The following PTPRN2 variants were observed in gnomAD, a reference collection of about 807,000 sequenced individuals.
PTPRN2 encodes the protein protein tyrosine phosphatase receptor type N2.
Under a neutral mutation model 118.8 loss-of-function variants are expected in PTPRN2, and 74 were observed. The ratio of observed to expected loss-of-function variants is 0.62; its 90% confidence interval spans 0.52 to 0.76. The LOEUF is 0.76. Among genes scored for constraint, PTPRN2 ranks in the 30% least tolerant of loss-of-function variants. PTPRN2 has a pLI of 0.00. For missense variants in PTPRN2, 1,481 were observed against 1,394.4 expected (o/e 1.06, Z -0.99); for synonymous variants, 641 against 608.0 (o/e 1.05, Z -0.80).
At chr7:158,272,630 A>G (rs545203748) in intron 3 of PTPRN2, among the ~76,000 whole-genome samples, 11 of 152,318 alleles carry the variant, frequency 7.2e-5, no homozygotes, top group African/African-American at 2.4e-4. Context: ...GCCTGAGTCC[A>G]GGCAGGAGCC....
At chr7:158,135,631 G>A (rs926831677) in intron 8 of PTPRN2, among the ~76,000 whole-genome samples, 24 of 152,228 alleles carry the variant, frequency 1.6e-4, no homozygotes, top group African/African-American at 3.4e-4. Flanking sequence ...CCCCCAGAGC[G>A]CTCCCTGCCC....
chr7:158,366,763 T>G (rs1809562486), intron 2 of PTPRN2, among the ~76,000 whole-genome samples: 1 of 152,224 alleles, frequency 6.6e-6, no homozygotes, highest in Non-Finnish European at 1.5e-5. Context: ...TTCCTGAATT[T>G]TTGTCTTTGC....
intron 11 of PTPRN2, among the ~76,000 whole-genome samples, chr7:158,070,390 G>GGTGCCCGTGGTGGTGGAC (rs1811152533): frequency 6.8e-6 from 1 of 146,798 alleles, no homozygotes; most frequent in Non-Finnish European, 1.5e-5. Context: ...TGGTGGTGGA[G>GGTGCCCGTGGTGGTGGAC]GTGCTCGTGG....
intron 3 of PTPRN2, among the ~76,000 whole-genome samples, chr7:158,232,266 G>T (rs1363969782): frequency 6.6e-6 from 1 of 151,932 alleles, no homozygotes. Context: ...AAATGAAAAA[G>T]GAGATGTAAC....
At chr7:158,235,481 T>C (rs941297716) in intron 3 of PTPRN2, among the ~76,000 whole-genome samples, 17 of 152,190 alleles carry the variant, frequency 1.1e-4, no homozygotes, top group African/African-American at 3.9e-4. Flanking sequence ...TGAAGTGAAA[T>C]AAGCCAAACA....
chr7:158,293,892 C>T (rs1324078065), intron 3 of PTPRN2, among the ~76,000 whole-genome samples: 1 of 152,226 alleles, frequency 6.6e-6, no homozygotes, highest in Non-Finnish European at 1.5e-5. Flanking sequence ...CATGTGGGGC[C>T]ATCATCTCCT....
At chr7:158,040,917 A>G (rs7783335) in intron 11 of PTPRN2, among the ~76,000 whole-genome samples, 83,414 of 151,816 alleles carry the variant, frequency 0.55, 23,928 homozygotes, top group African/African-American at 0.66. Context: ...ATTTTTAGTA[A>G]AGACAGGGTT....
Position 158,453,971 on chromosome 7 carries a change from C to T in PTPRN2, c.163+35764G>A, listed in dbSNP as rs56210073. Among the ~76,000 whole-genome samples, 187 of 58,738 alleles carry T rather than the reference C, an allele frequency of 3.2e-3. 4 individuals carry two copies. Among genetic ancestry groups the T allele is most frequent in the African/African-American group, 0.01 (165 of 16,194 alleles). The allele number at this position is 58,738 out of a possible 152,430, so 38.5% of individuals were successfully genotyped here. On this transcript the variant is annotated intron_variant, in intron 2 of 22. Transcript: ENST00000389418. ...CAATCACCGATGTCAGGACTGGGGACGGTTGCTATGGAGGACAGACAAGAC... is the reference window on the plus strand; with the variant it reads ...CAATCACCGATGTCAGGACTGGGGATGGTTGCTATGGAGGACAGACAAGAC...
At chr7:157,563,175 C>G (rs1310931212) in intron 21 of PTPRN2, among the ~76,000 whole-genome samples, 6 of 128,382 alleles carry the variant, frequency 4.7e-5, no homozygotes, top group Admixed American at 3.7e-4. Flanking sequence ...CGTCACCACA[C>G]ACAGCAGATC....
At chr7:158,149,629 C>T (rs999295362) in intron 6 of PTPRN2, among the ~76,000 whole-genome samples, 7 of 151,890 alleles carry the variant, frequency 4.6e-5, no homozygotes, top group Non-Finnish European at 7.4e-5. Context: ...ATGGTGGAAA[C>T]CCCATCTCTA....
At chr7:157,988,661 C>G (rs921537851) in intron 11 of PTPRN2, among the ~76,000 whole-genome samples, 3 of 152,134 alleles carry the variant, frequency 2.0e-5, no homozygotes, top group Non-Finnish European at 4.4e-5. Flanking sequence ...TGGAGGGAAC[C>G]GGGGGAGGGA....
chr7:158,008,552 T>G (rs1805826924), intron 11 of PTPRN2, among the ~76,000 whole-genome samples: 1 of 152,244 alleles, frequency 6.6e-6, no homozygotes, highest in African/African-American at 2.4e-5. Context: ...ATTTCATATT[T>G]TTGTCTTCCA....
intron 13 of PTPRN2, among the ~76,000 whole-genome samples, chr7:157,668,980 A>G (rs1187556237): frequency 6.6e-6 from 1 of 152,274 alleles, no homozygotes; most frequent in Non-Finnish European, 1.5e-5. Flanking sequence ...GGGACTCAGA[A>G]GGAACCGCCT....
In PTPRN2 at chr7:158,151,889, T is replaced by C. The variant is rs370240019; in HGVS notation, c.911-13374A>G. Among the ~76,000 whole-genome samples the C allele has an allele frequency of 7.7e-4, 117 of 152,246 alleles. 2 individuals are homozygous for C. In the South Asian group the frequency reaches 0.023, roughly 30 times the overall value. On this transcript the variant is annotated intron_variant, in intron 6 of 22. Transcript: ENST00000389418. ...ACAGGAAACAAATAAAAACCATGAA[T>C]GCGGCCGGGCGCGGTGGCTCACGCC...
At chr7:158,482,359 T>C (rs923611941) in intron 2 of PTPRN2, among the ~76,000 whole-genome samples, 1 of 152,250 alleles carries the variant, frequency 6.6e-6, no homozygotes, top group South Asian at 2.1e-4. Context: ...AGTCAACTGA[T>C]GCAGTCAATT....
rs530769478 is a variant in PTPRN2, at chr7:158,198,599, T to C, written c.381-6104A>G. 1.5e-4 allele frequency among the ~76,000 whole-genome samples: 23 copies of C among 152,366 alleles called. No homozygotes were observed. The East Asian group carries it at 3.7e-3, about 24-fold the overall frequency. ...ACACAGCTGGTATTTGTTGTCCCTG[T>C]TCCTGCCTCAGGAGCATTTAGCATG... On this transcript the variant is annotated intron_variant, in intron 4 of 22. Transcript: ENST00000389418.
intron 15 of PTPRN2, among the ~76,000 whole-genome samples, chr7:157,607,463 C>T (rs1366340416): frequency 2.0e-5 from 3 of 152,242 alleles, no homozygotes; most frequent in African/African-American, 2.4e-5. Flanking sequence ...ACCGTTCTTA[C>T]GTGTCTGAGA....
chr7:158,171,067 AT>A (rs1182533881), intron 5 of PTPRN2, among the ~76,000 whole-genome samples: 6 of 128,476 alleles, frequency 4.7e-5, no homozygotes, highest in South Asian at 2.5e-4. Flanking sequence ...ATATATACAC[AT>A]TATATACACA....
chr7:157,889,114 C>T (rs192241822), intron 12 of PTPRN2, among the ~76,000 whole-genome samples: 1 of 152,266 alleles, frequency 6.6e-6, no homozygotes, highest in East Asian at 1.9e-4. Flanking sequence ...TGCAATTCCA[C>T]TGAGAAAAAT....
Sources: gnomAD v4.1 joint callset for allele counts (sites outside exome capture counted in the v4.1 genomes callset) on GRCh38, gnomAD v4.1.1 for gene constraint, MANE v1.5 for transcripts, NCBI Gene and HGNC (gene_info 2026-07-23, HGNC 2026-07-21) for gene names.